Variants in WDR6 observed in about 807,000 individuals in gnomAD.
WDR6 encodes tRNA (34-2'-O)-methyltransferase regulator WDR6.
WDR6 carries 58 observed loss-of-function variants against 85.6 expected under a neutral mutation model. The ratio of observed to expected loss-of-function variants is 0.68; its 90% CI spans 0.55 to 0.84. The LOEUF (loss-of-function observed/expected upper bound fraction) is 0.84, where lower values mean the gene tolerates loss of function less well. Ranked by LOEUF, WDR6 falls within the 40% of genes least tolerant of loss-of-function variation. WDR6 has a pLI of 0.00. For missense variants in WDR6, 1,310 were observed against 1,476.4 expected (o/e 0.89, Z 1.85); for synonymous variants, 569 against 582.2 (o/e 0.98, Z 0.33).
In WDR6 at chr3:49,014,322, A is replaced by T; in HGVS notation, c.2666+29A>T. On this transcript the variant is annotated intron_variant, in intron 3 of 5. Coordinates refer to ENST00000608424, the MANE Select transcript of WDR6 (RefSeq NM_018031.6). The surrounding 1 kb of genome is among the most constrained non-coding windows in gnomAD (Gnocchi z 4.9). The stretch of plus-strand genomic sequence containing the variant: ...AGAGCATAGGGCCCAGTGGGACAGG[A>T]GACAAAGGAAGTAAGGTTGTCTAGG... The T allele has an allele frequency of 6.2e-7, 1 of 1,614,038 alleles. No individual in the cohort carries two copies. The highest frequency in any genetic ancestry group is 8.5e-7 in the Non-Finnish European group (1 of 1,180,000).
At chr3:49,011,389 ATTTTCTTTTTTTTTT>A in intron 1 of WDR6, 1 of 1,354,784 alleles carries the variant, frequency 7.4e-7, no homozygotes, top group Non-Finnish European at 9.9e-7. Flanking sequence ...GAGACCAAGG[ATTTTCTTTTTTTTTT>A]TTTTCTTTTG....
In WDR6 at chr3:49,012,258, C is replaced by T. The variant is rs762688118; in HGVS notation, c.724C>T (p.Arg242Ter). The change falls in exon 2 of 6, where the codon CGA becomes TGA. Residue 242 changes from arginine (R) to a stop codon, truncating the protein, a stop_gained. Transcript: ENST00000608424. LOFTEE classifies it high-confidence loss of function. The surrounding 1 kb of genome is among the most constrained non-coding windows in gnomAD (Gnocchi z 4.4). Reference protein sequence around the residue: ...SVRIWKVGDLRVPGGRVQNIG... With the variant: ...SVRIWKVGDL The stretch of plus-strand genomic sequence containing the variant: ...TCGTATCTGGAAGGTGGGCGACCTG[C>T]GAGTGCCTGGGGGTCGGGTGCAGAA... The T allele has an allele frequency of 5.6e-6, 9 of 1,614,252 alleles. No homozygotes were observed. Among genetic ancestry groups the T allele is most frequent in the African/African-American group, 1.3e-5 (1 of 75,064 alleles).
At position 49,013,973 on chromosome 3, in the gene WDR6, C is replaced by T; in HGVS notation, c.2439C>T (p.Cys813=). 6.2e-7 allele frequency: 1 copy of T among 1,612,112 alleles called. No individual in the cohort carries two copies. The highest frequency in any genetic ancestry group is 8.5e-7 in the Non-Finnish European group (1 of 1,179,984). Reference sequence around the variant, plus strand: ...CGGGGGGGCGGGCTGAGATGCACTGCTTCAGCATCATGGTTACTCCGGACC... The same window carrying T: ...CGGGGGGGCGGGCTGAGATGCACTGTTTCAGCATCATGGTTACTCCGGACC... The part of the protein sequence containing the change: ...VSAGGRAEMH[C]FSIMVTPDPS... The change falls in exon 2 of 6, where the codon TGC becomes TGT. Residue 813 remains cysteine (C), a synonymous_variant. Coordinates refer to ENST00000608424, the MANE Select transcript of WDR6 (RefSeq NM_018031.6). The surrounding 1 kb of genome is among the most constrained non-coding windows in gnomAD (Gnocchi z 4.6).
At chr3:49,011,278 C>T (rs910851905) in intron 1 of WDR6, 4 of 432,558 alleles carry the variant, frequency 9.2e-6, no homozygotes, top group African/African-American at 6.2e-5. Context: ...GGGTTTTCAC[C>T]TTGTTGGCCA....
At position 49,014,931 on chromosome 3, in the gene WDR6, A is replaced by T; in HGVS notation, c.3009A>T (p.Glu1003Asp). ...ACCATCTCGTGGCCAGTGGCAGTGA[A>T]GATGGATCCCTCCATGTCTTCGTGC... is the stretch of plus-strand genomic sequence containing the variant. ...EGHHLVASGS[E>D]DGSLHVFVLA... Residue 1003 changes from glutamate to aspartate, a missense_variant, in exon 6 of 6, where the codon GAA becomes GAT. Glu to Asp is a conservative substitution (Grantham distance 45, BLOSUM62 2). Coordinates refer to ENST00000608424, the MANE Select transcript of WDR6 (RefSeq NM_018031.6). This position sits in a 1 kb window ranked among gnomAD's most constrained non-coding sequence, Gnocchi z 4.9. 1 of 1,614,186 alleles carries T rather than the reference A, an allele frequency of 6.2e-7. No homozygotes were observed. Among genetic ancestry groups the T allele is most frequent in the South Asian group, 1.1e-5 (1 of 91,084 alleles).
chr3:49,013,018 C>T lies in WDR6; in HGVS notation c.1484C>T (p.Thr495Ile), dbSNP rs1227605155. ...CCCCCAAGCAAGCAGAGATGGCACA[C>T]ATGCAGTGCCTTCCTACCCCCAGGT... Reference protein sequence around the residue: ...LLPPSKQRWHTCSAFLPPGDF... With the variant: ...LLPPSKQRWHICSAFLPPGDF... The change falls in exon 2 of 6, where the codon ACA becomes ATA. Residue 495 changes from threonine to isoleucine, a missense_variant. By Grantham distance (89) the Thr-to-Ile change is moderately conservative. Transcript: ENST00000608424. This position sits in a 1 kb window ranked among gnomAD's most constrained non-coding sequence, Gnocchi z 4.6. 6.2e-7 allele frequency: 1 copy of T among 1,613,336 alleles called. No homozygotes were observed. The highest frequency in any genetic ancestry group is 8.5e-7 in the Non-Finnish European group (1 of 1,179,518).
rs760755516 is a variant in WDR6 at position 49,015,867 on chromosome 3, G to C, written c.*579G>C. On this transcript the variant is annotated 3_prime_UTR_variant, in exon 6 of 6. Coordinates refer to ENST00000608424, the MANE Select transcript of WDR6 (RefSeq NM_018031.6). Reference sequence around the variant, plus strand: ...CCATGCTGAGCTGTACCAGGAACTTGCATATCTAGAGACAGAGACTGAGTC... The same window carrying C: ...CCATGCTGAGCTGTACCAGGAACTTCCATATCTAGAGACAGAGACTGAGTC... 3 of 1,614,204 alleles carry C rather than the reference G, an allele frequency of 1.9e-6. No individual in the cohort carries two copies. The highest frequency in any genetic ancestry group is 2.5e-6 in the Non-Finnish European group (3 of 1,180,028).
chr3:49,007,412 T>A lies in WDR6; in HGVS notation c.-20T>A, dbSNP rs903763291. ...AGCTCCCTTCTTAGCCGTGGCTGCCTCAGCACCTCGAGGATCGACATGGAC... is the reference window on the plus strand; with the variant it reads ...AGCTCCCTTCTTAGCCGTGGCTGCCACAGCACCTCGAGGATCGACATGGAC... On this transcript the variant is annotated 5_prime_UTR_variant, in exon 1 of 6. Transcript: ENST00000608424. The surrounding 1 kb of genome is among the most constrained non-coding windows in gnomAD (Gnocchi z 5.1). 1.9e-6 allele frequency: 3 copies of A among 1,604,784 alleles called. No individual in the cohort carries two copies. Among genetic ancestry groups the A allele is most frequent in the South Asian group, 1.1e-5 (1 of 89,426 alleles).
intron 1 of WDR6, chr3:49,011,194 C>G: frequency 2.4e-6 from 1 of 414,148 alleles, no homozygotes; most frequent in Non-Finnish European, 4.7e-6. Context: ...AAGCGATTCT[C>G]CTGCCTCAGC....
In WDR6 at chr3:49,012,144, C is replaced by A. The variant is rs541171729; in HGVS notation, c.610C>A (p.Arg204=). ...CAACAAACCTGTAGCACCTGACCGA[C>A]GAATCAGTGGGCATGTGGGCATCAT... ...ADNKPVAPDR[R]ISGHVGIIFS... is the part of the protein sequence containing the mutation. Residue 204 remains arginine, a synonymous_variant, in exon 2 of 6, where the codon CGA becomes AGA. Coordinates refer to ENST00000608424, the MANE Select transcript of WDR6 (RefSeq NM_018031.6). The surrounding 1 kb of genome is among the most constrained non-coding windows in gnomAD (Gnocchi z 4.4). 14 of 1,614,046 alleles carry A rather than the reference C, an allele frequency of 8.7e-6. No individual in the cohort carries two copies. Among genetic ancestry groups the A allele is most frequent in the African/African-American group, 2.7e-5 (2 of 74,934 alleles).
In WDR6 at chr3:49,011,876, C is replaced by A; in HGVS notation, c.342C>A (p.Asn114Lys). 6.2e-7 allele frequency: 1 copy of A among 1,614,252 alleles called. No individual in the cohort carries two copies. Among genetic ancestry groups the A allele is most frequent in the Non-Finnish European group, 8.5e-7 (1 of 1,180,056 alleles). Residue 114 changes from asparagine to lysine, a missense_variant, in exon 2 of 6, where the codon AAC becomes AAA. Transcript: ENST00000608424. ...AGCTTTGGCGCTCTGGCCTGTGGAA[C>A]ATGTCTGACTGGATTTGGGATGCAC... ...FWELWRSGLW[N>K]MSDWIWDARW...
Position 49,014,617 on chromosome 3 carries a change from G to A in WDR6, c.2801G>A (p.Ser934Asn), listed in dbSNP as rs759849665. 4.3e-6 allele frequency: 7 copies of A among 1,613,672 alleles called. No individual in the cohort carries two copies. Among genetic ancestry groups the A allele is most frequent in the Middle Eastern group, 3.3e-4 (2 of 6,062 alleles). The change falls in exon 5 of 6, where the codon AGC (serine) becomes AAC (asparagine). Residue 934 changes from serine (S) to asparagine (N), a missense_variant. Transcript: ENST00000608424. The surrounding 1 kb of genome is among the most constrained non-coding windows in gnomAD (Gnocchi z 4.9). ...PNQRRRLLLC[S>N]AATDGSLAFW... ...GCTCTCAGGAGGCTCCTCCTGTGCA[G>A]CGCAGCTACTGATGGCAGCCTGGCT...
At position 49,015,145 on chromosome 3, in the gene WDR6, C is replaced by T; in HGVS notation, c.3223C>T (p.His1075Tyr). Reference protein sequence around the residue: ...DQRLTFWRLGHGEPTFMNSTV... With the variant: ...DQRLTFWRLGYGEPTFMNSTV... ...ACGGCTGACCTTCTGGCGTCTGGGG[C>T]ATGGTGAACCCACCTTCATGAATAG... Residue 1075 changes from histidine to tyrosine, a missense_variant, in exon 6 of 6, where the codon CAT becomes TAT. Physicochemically the swap from His to Tyr is moderately conservative, Grantham distance 83. Coordinates refer to ENST00000608424, the MANE Select transcript of WDR6 (RefSeq NM_018031.6). 1 of 1,613,922 alleles carries T rather than the reference C, an allele frequency of 6.2e-7. No homozygotes were observed. The highest frequency in any genetic ancestry group is 8.5e-7 in the Non-Finnish European group (1 of 1,180,040).
Position 49,014,431 on chromosome 3 carries a change from A to C in WDR6, c.2715A>C (p.Glu905Asp). ...GGCGGATTCTGCAGCTCCTTGCTGA[A>C]ACCTTCCACCATAAGCGATGTGTCC... The part of the protein sequence containing the change: ...DSGRILQLLA[E>D]TFHHKRCVLK... Residue 905 changes from glutamate (E) to aspartate (D), a missense_variant, in exon 4 of 6, where the codon GAA becomes GAC. Transcript: ENST00000608424. The surrounding 1 kb of genome is among the most constrained non-coding windows in gnomAD (Gnocchi z 4.9). 3.7e-6 allele frequency: 6 copies of C among 1,614,106 alleles called. No homozygotes were observed. Among genetic ancestry groups the C allele is most frequent in the Non-Finnish European group, 5.1e-6 (6 of 1,180,006 alleles).
In WDR6 at chr3:49,015,550, C is replaced by CTT. The variant is rs779679459; in HGVS notation, c.*264_*265dup. ...TTTTTGCTTTTTTTCCAGTTGATGA[C>CTT]TTTGTGAACATTCCCAGGTATTGGA... On this transcript the variant is annotated 3_prime_UTR_variant, in exon 6 of 6. Transcript: ENST00000608424. 2.5e-6 allele frequency: 4 copies of CTT among 1,608,658 alleles called. No homozygotes were observed. The Admixed American group carries it at 5.1e-5, about 21-fold the overall frequency.
Position 49,013,449 on chromosome 3 carries a change from G to C in WDR6, c.1915G>C (p.Val639Leu). 1 of 1,614,178 alleles carries C rather than the reference G, an allele frequency of 6.2e-7. No individual in the cohort carries two copies. The highest frequency in any genetic ancestry group is 8.5e-7 in the Non-Finnish European group (1 of 1,180,036). The stretch of plus-strand genomic sequence containing the variant: ...GGGTTTCCATGCCAATGAGTTTGTG[G>C]TGTGGAACCCTCGGTCACACGAGAA... ...ILGFHANEFV[V>L]WNPRSHEKLH... Residue 639 changes from valine (V) to leucine (L), a missense_variant, in exon 2 of 6, where the codon GTG becomes CTG. Transcript: ENST00000608424. The surrounding 1 kb of genome is among the most constrained non-coding windows in gnomAD (Gnocchi z 4.6).
Position 49,014,736 on chromosome 3 carries a change from A to C in WDR6, c.2902+18A>C, listed in dbSNP as rs769311958. 5.6e-6 allele frequency: 9 copies of C among 1,612,298 alleles called. No individual in the cohort carries two copies. Among genetic ancestry groups the C allele is most frequent in the Middle Eastern group, 1.7e-4 (1 of 6,056 alleles). On this transcript the variant is annotated intron_variant, in intron 5 of 5. Transcript: ENST00000608424. The surrounding 1 kb of genome is among the most constrained non-coding windows in gnomAD (Gnocchi z 4.9). ...TCCCTACCGTGAGTAGCTAATGTGC[A>C]ACCATGGCTACCCCTCCTCACCTGT... is the stretch of plus-strand genomic sequence containing the variant.
rs773688377 is a variant in WDR6, at chr3:49,012,884, G to A, written c.1350G>A (p.Glu450=). Residue 450 remains glutamate, a synonymous_variant, in exon 2 of 6, where the codon GAG becomes GAA. Transcript: ENST00000608424. This position sits in a 1 kb window ranked among gnomAD's most constrained non-coding sequence, Gnocchi z 4.4. The part of the protein sequence containing the change: ...SLSWALRGYE[E]LLLLASGPGG... ...GCTGGGCCCTGCGTGGTTATGAGGA[G>A]CTCCTGTTGCTGGCATCGGGCCCTG... is the stretch of plus-strand genomic sequence containing the variant. 4.3e-6 allele frequency: 7 copies of A among 1,613,784 alleles called. No individual in the cohort carries two copies. The highest frequency in any genetic ancestry group is 5.1e-6 in the Non-Finnish European group (6 of 1,179,912).
chr3:49,014,482 G>A lies in WDR6; in HGVS notation c.2766G>A (p.Glu922=). ...TCAAGGTCCACTCCTTTACACACGA[G>A]GCACCCAACCAGAGGCGGTGAGAGG... ...CVLKVHSFTH[E]APNQRRRLLL... The change falls in exon 4 of 6, where the codon GAG becomes GAA. Residue 922 remains glutamate (E), a synonymous_variant. Transcript: ENST00000608424. This position sits in a 1 kb window ranked among gnomAD's most constrained non-coding sequence, Gnocchi z 4.9. 6.2e-7 allele frequency: 1 copy of A among 1,614,094 alleles called. No individual in the cohort carries two copies. The highest frequency in any genetic ancestry group is 8.5e-7 in the Non-Finnish European group (1 of 1,180,004).
Sources: allele counts gnomAD v4.1 joint callset, GRCh38; gene constraint gnomAD v4.1.1; non-coding constraint Gnocchi (gnomAD v3.1); transcripts MANE v1.5; gene names NCBI Gene and HGNC (gene_info 2026-07-23, HGNC 2026-07-21).